Variants in PTPRM observed in about 807,000 individuals in gnomAD.
The protein encoded by PTPRM is receptor-type tyrosine-protein phosphatase mu.
PTPRM carries 47 observed loss-of-function variants against 186.7 expected under a neutral mutation model. The ratio of observed to expected loss-of-function variants is 0.25; its 90% confidence interval spans 0.20 to 0.32. PTPRM has a LOEUF of 0.32. Among genes scored for constraint, PTPRM ranks in the 10% least tolerant of loss-of-function variants. The probability of loss-of-function intolerance (pLI) is 1.00; values close to 1 mark genes in which losing one functional copy is unlikely to be tolerated. For missense variants in PTPRM, 1,494 were observed against 1,865.0 expected, an observed-to-expected ratio of 0.80 and a Z score of 3.66; for synonymous variants, 668 against 674.9, an observed-to-expected ratio of 0.99 and a Z score of 0.16.
At chr18:7,677,095 A>T (rs1442840219) in intron 1 of PTPRM, among the ~76,000 whole-genome samples, 3 of 152,066 alleles carry the variant, frequency 2.0e-5, no homozygotes, top group Non-Finnish European at 4.4e-5. Flanking sequence ...CCTTCTAAAT[A>T]CCCTTCTCTT....
At chr18:8,336,076 T>G (rs627293) in intron 22 of PTPRM, among the ~76,000 whole-genome samples, 28,787 of 152,102 alleles carry the variant, frequency 0.19, 3,403 homozygotes, top group Non-Finnish European at 0.27. Context: ...CAACCTCTAC[T>G]GCTTCAAGGG....
At position 7,923,390 on chromosome 18, in the gene PTPRM, G is replaced by A. The variant is rs1392991190; in HGVS notation, c.548-3178G>A. On this transcript the variant is annotated intron_variant, in intron 4 of 32. Coordinates refer to ENST00000580170, the MANE Select transcript of PTPRM (RefSeq NM_001105244.2). ...CACAGGGAGATGGAAGGCGGCGGGG[G>A]TTGGTCAACATGTGGAATGAGGCTT... 1.3e-5 allele frequency among the ~76,000 whole-genome samples: 2 copies of A among 152,182 alleles called. 1 individual carries two copies. The highest frequency in any genetic ancestry group is 4.1e-4 in the South Asian group (2 of 4,830).
chr18:7,848,027 TG>T (rs1417484446), intron 2 of PTPRM, among the ~76,000 whole-genome samples: 1 of 152,196 alleles, frequency 6.6e-6, no homozygotes, highest in Non-Finnish European at 1.5e-5. Flanking sequence ...TCAAACTTAA[TG>T]AGTCTGAATT....
chr18:8,255,153 G>A (rs117133739), intron 19 of PTPRM, among the ~76,000 whole-genome samples: 2,500 of 152,208 alleles, frequency 0.016, 35 homozygotes, highest in Non-Finnish European at 0.025. Context: ...GCTTAATATC[G>A]TATGAAAGAC....
In PTPRM at chr18:7,782,117, T is replaced by G. The variant is rs140016066; in HGVS notation, c.196+7846T>G. 5.0e-3 allele frequency among the ~76,000 whole-genome samples: 765 copies of G among 152,276 alleles called. 7 individuals are homozygous for G. Among genetic ancestry groups the G allele is most frequent in the Non-Finnish European group, 8.5e-3 (576 of 68,024 alleles). On this transcript the variant is annotated intron_variant, in intron 2 of 32. Coordinates refer to ENST00000580170, the MANE Select transcript of PTPRM (RefSeq NM_001105244.2). The stretch of plus-strand genomic sequence containing the variant: ...AATTTAGAAAAATAACTTTAGATGA[T>G]TATGAAAAAACAAACCATTTCATGT...
chr18:7,602,967 G>A (rs921619067), intron 1 of PTPRM, among the ~76,000 whole-genome samples: 9 of 149,676 alleles, frequency 6.0e-5, no homozygotes, highest in Admixed American at 5.3e-4. Context: ...TCACTCTCTC[G>A]CCCAGGCTGG....
intron 2 of PTPRM, among the ~76,000 whole-genome samples, chr18:7,840,081 T>C (rs1372528639): frequency 1.9e-4 from 1 of 5,396 alleles, no homozygotes; most frequent in East Asian, 6.5e-3. Flanking sequence ...GGGGGTGGGG[T>C]GGAGGTGGGG....
At chr18:7,683,958 G>A (rs777195668) in intron 1 of PTPRM, among the ~76,000 whole-genome samples, 9 of 152,066 alleles carry the variant, frequency 5.9e-5, no homozygotes, top group Non-Finnish European at 2.9e-5. Context: ...GGGGTTGCTC[G>A]CAGCTTTTCA....
chr18:7,889,340 T>C lies in PTPRM; in HGVS notation c.468+963T>C, dbSNP rs576841645. 1.1e-3 allele frequency among the ~76,000 whole-genome samples: 158 copies of C among 145,382 alleles called. 1 individual carries two copies. The highest frequency in any genetic ancestry group is 3.7e-3 in the African/African-American group (146 of 39,418). ...ATATATTTTCTTTTCTTTCTTTTTT[T>C]TTTTTTTTTTTTTTGAGACTGGGAC... On this transcript the variant is annotated intron_variant, in intron 3 of 32. Transcript: ENST00000580170.
At position 8,172,741 on chromosome 18, in the gene PTPRM, A is replaced by G. The variant is rs528817733; in HGVS notation, c.2300+28962A>G. On this transcript the variant is annotated intron_variant, in intron 14 of 32. Coordinates refer to ENST00000580170, the MANE Select transcript of PTPRM (RefSeq NM_001105244.2). ...AAAAACTTCTGCTTAACCTCAGCCCATTTGAAGCAGAAAGAAAATTGCAGG... is the reference window on the plus strand; with the variant it reads ...AAAAACTTCTGCTTAACCTCAGCCCGTTTGAAGCAGAAAGAAAATTGCAGG... Among the ~76,000 whole-genome samples, 46 of 152,178 alleles carry G rather than the reference A, an allele frequency of 3.0e-4. No individual in the cohort carries two copies. In the South Asian group the frequency reaches 8.9e-3, roughly 29 times the overall value.
At chr18:7,855,432 CCTT>C (rs1480747956) in intron 2 of PTPRM, among the ~76,000 whole-genome samples, 2 of 152,212 alleles carry the variant, frequency 1.3e-5, no homozygotes. Context: ...GCTTTTGGCT[CCTT>C]CTCTTTGTGA....
intron 1 of PTPRM, among the ~76,000 whole-genome samples, chr18:7,640,204 T>A (rs1395895254): frequency 2.0e-5 from 3 of 152,196 alleles, no homozygotes; most frequent in Non-Finnish European, 4.4e-5. Context: ...GATTAGCCTG[T>A]GGGGTTTCTC....
intron 4 of PTPRM, among the ~76,000 whole-genome samples, chr18:7,923,813 C>A (rs1002818684): frequency 1.3e-5 from 2 of 152,174 alleles, no homozygotes; most frequent in Non-Finnish European, 2.9e-5. Context: ...GATAAGATTT[C>A]TTTCTGCATC....
chr18:8,238,651 G>T (rs915757029), intron 14 of PTPRM, among the ~76,000 whole-genome samples: 165 of 25,732 alleles, frequency 6.4e-3, no homozygotes, highest in Middle Eastern at 0.031. Flanking sequence ...TGTTTTGTGT[G>T]TTTTTTTTTT....
In PTPRM at chr18:8,250,664, C is replaced by T. The variant is rs111971537; in HGVS notation, c.2555-1824C>T. On this transcript the variant is annotated intron_variant, in intron 17 of 32. Transcript: ENST00000580170. ...ATTAGCCAGGCATGGTGGAACACACCTGTATTCCCAGCTACTCAAGAGGCT... is the reference window on the plus strand; with the variant it reads ...ATTAGCCAGGCATGGTGGAACACACTTGTATTCCCAGCTACTCAAGAGGCT... 3.0e-3 allele frequency among the ~76,000 whole-genome samples: 459 copies of T among 151,676 alleles called. 4 individuals are homozygous for T. Among genetic ancestry groups the T allele is most frequent in the African/African-American group, 0.011 (441 of 41,366 alleles).
chr18:7,693,358 C>T (rs972359974), intron 1 of PTPRM, among the ~76,000 whole-genome samples: 1 of 152,140 alleles, frequency 6.6e-6, no homozygotes, highest in African/African-American at 2.4e-5. Flanking sequence ...TCCACAGTCT[C>T]ACAGTCAGTA....
chr18:7,944,607 C>T (rs143718324), intron 5 of PTPRM, among the ~76,000 whole-genome samples: 104 of 152,294 alleles, frequency 6.8e-4, no homozygotes, highest in African/African-American at 2.4e-3. Context: ...TCTGTTCTTG[C>T]CATATGGGAT....
Position 8,343,420 on chromosome 18 carries a change from C to T in PTPRM, c.2957-3C>T. 4 of 1,611,036 alleles carry T rather than the reference C, an allele frequency of 2.5e-6. No homozygotes were observed. The highest frequency in any genetic ancestry group is 1.7e-4 in the Middle Eastern group (1 of 6,052). On this transcript the variant is annotated splice_polypyrimidine_tract_variant and splice_region_variant and intron_variant, in intron 22 of 32. Transcript: ENST00000580170. Reference sequence around the variant, plus strand: ...AAAAAGTTTCTGTTGTGTTTTGCTGCAGGGCCAATGCAGGAAACCATCTAT... The same window carrying T: ...AAAAAGTTTCTGTTGTGTTTTGCTGTAGGGCCAATGCAGGAAACCATCTAT...
chr18:8,241,383 G>C (rs2094433411), intron 14 of PTPRM, among the ~76,000 whole-genome samples: 1 of 144,730 alleles, frequency 6.9e-6, no homozygotes, highest in Non-Finnish European at 1.5e-5. Flanking sequence ...GAAAATGAAA[G>C]CAATTTGGTG....
Sources: gnomAD v4.1 joint callset for allele counts (sites outside exome capture counted in the v4.1 genomes callset) on GRCh38, gnomAD v4.1.1 for gene constraint, MANE v1.5 for transcripts, NCBI Gene and HGNC (gene_info 2026-07-23, HGNC 2026-07-21) for gene names.